Variants in CBL observed in about 807,000 individuals in gnomAD.
CBL encodes E3 ubiquitin-protein ligase CBL.
Under a neutral mutation model 96.9 loss-of-function variants are expected in CBL, and 45 were observed. The observed-to-expected ratio is 0.46, with a 90% confidence interval of 0.37 to 0.60. The LOEUF is 0.60. Ranked by LOEUF, CBL falls within the 20% of genes least tolerant of loss-of-function variation. The pLI, the probability that CBL is intolerant of heterozygous loss-of-function variation, is 0.00. For missense variants in CBL, 1,024 were observed against 1,143.5 expected (o/e 0.90, Z 1.51); for synonymous variants, 420 against 426.8 (o/e 0.98, Z 0.20).
At chr11:119,287,195 A>G (rs1242405882) in intron 11 of CBL, among the ~76,000 whole-genome samples, 2 of 152,244 alleles carry the variant, frequency 1.3e-5, no homozygotes, top group Non-Finnish European at 2.9e-5. Context: ...GCCTTTCGAG[A>G]GCATGAAATA....
chr11:119,270,172 T>C (rs2135295165), intron 2 of CBL, among the ~76,000 whole-genome samples: 1 of 151,278 alleles, frequency 6.6e-6, no homozygotes, highest in East Asian at 1.9e-4. Context: ...AGAACAAAGG[T>C]AATCTGATCA....
chr11:119,298,632 A>G, intron 15 of CBL, 92 bp downstream of exon 15: 1 of 1,111,348 alleles, frequency 9.0e-7, no homozygotes, highest in South Asian at 1.2e-5. Context: ...TGGTGACAGT[A>G]AGTCAGTATG....
At position 119,278,528 on chromosome 11, in the gene CBL, T is replaced by C. The variant is rs1949907918; in HGVS notation, c.1246T>C (p.Cys416Arg). Residue 416 changes from cysteine (C) to arginine (R), a missense_variant, in exon 9 of 16, where the codon TGT (cysteine) becomes CGT (arginine). This residue lies in a region of CBL where 695 missense variants were observed against 661.6 expected (regional missense o/e 1.05). Transcript: ENST00000264033. ...TCTGCAGGAATCAGAAGGTCAGGGC[T>C]GTCCTTTCTGCCGATGTGAAATTAA... ...TSWQESEGQG[C>R]PFCRCEIKGT... The C allele has an allele frequency of 6.2e-7, 1 of 1,614,184 alleles. No individual in the cohort carries two copies. Among genetic ancestry groups the C allele is most frequent in the Non-Finnish European group, 8.5e-7 (1 of 1,179,986 alleles).
At chr11:119,237,753 T>A (rs1949556234) in intron 2 of CBL, among the ~76,000 whole-genome samples, 1 of 152,232 alleles carries the variant, frequency 6.6e-6, no homozygotes, top group Non-Finnish European at 1.5e-5. Context: ...ATATCTATCT[T>A]AATGCTAGTA....
chr11:119,223,995 C>G (rs545482742), intron 1 of CBL, among the ~76,000 whole-genome samples: 7 of 152,202 alleles, frequency 4.6e-5, no homozygotes, highest in Admixed American at 4.6e-4. Flanking sequence ...TCTTTGAGGT[C>G]TGTGTTAGTG....
Position 119,300,585 on chromosome 11 carries a change from G to A in CBL, c.*804G>A. On this transcript the variant is annotated 3_prime_UTR_variant, in exon 16 of 16. Transcript: ENST00000264033. ...ATTATAGGCATGTTTGATACTAGCAGCTAACACTGGTCACTCCAAAGCACT... is the reference window on the plus strand; with the variant it reads ...ATTATAGGCATGTTTGATACTAGCAACTAACACTGGTCACTCCAAAGCACT... 1 of 399,242 alleles carries A rather than the reference G, an allele frequency of 2.5e-6. No homozygotes were observed. 24.7% of individuals were successfully genotyped at this position (399,242 alleles called of 1,614,324 possible).
chr11:119,234,890 G>A (rs565058656), intron 2 of CBL, among the ~76,000 whole-genome samples: 1 of 152,302 alleles, frequency 6.6e-6, no homozygotes, highest in Non-Finnish European at 1.5e-5. Flanking sequence ...AATTTTCTAG[G>A]CAGAGAAGTC....
chr11:119,306,210 T>A lies in CBL; in HGVS notation c.*6429T>A, dbSNP rs1950139475. The A allele has an allele frequency of 2.5e-6, 1 of 398,366 alleles. No homozygotes were observed. Among genetic ancestry groups the A allele is most frequent in the Non-Finnish European group, 4.4e-6 (1 of 226,048 alleles). 24.7% of individuals were successfully genotyped at this position (398,366 alleles called of 1,614,324 possible). On this transcript the variant is annotated 3_prime_UTR_variant, in exon 16 of 16. Coordinates refer to ENST00000264033, the MANE Select transcript of CBL (RefSeq NM_005188.4). ...CCGGCTGTTGACAGACAGACTAAGC[T>A]GTGTGGTGCTCTTGCCGCCCCTTCC...
intron 2 of CBL, among the ~76,000 whole-genome samples, chr11:119,265,580 C>CT (rs1949795851): frequency 6.6e-6 from 1 of 151,882 alleles, no homozygotes; most frequent in African/African-American, 2.4e-5. Context: ...GTGAGACCCC[C>CT]ATCACACATA....
chr11:119,278,467 T>A (rs772848331), intron 8 of CBL, 43 bp from the exon 9 acceptor site: 3 of 1,562,604 alleles, frequency 1.9e-6, no homozygotes, highest in South Asian at 2.2e-5. Context: ...ATATTTTAAG[T>A]ATTTTCAGAT....
At chr11:119,270,824 C>T (rs1266481185) in intron 2 of CBL, among the ~76,000 whole-genome samples, 1 of 151,988 alleles carries the variant, frequency 6.6e-6, no homozygotes, top group African/African-American at 2.4e-5. Context: ...CAAGTGATCG[C>T]CCACTTTGGC....
chr11:119,244,123 G>A (rs1949607097), intron 2 of CBL, among the ~76,000 whole-genome samples: 2 of 152,144 alleles, frequency 1.3e-5, no homozygotes, highest in African/African-American at 4.8e-5. Context: ...CCCTTTTGTT[G>A]TAGTAATATG....
intron 1 of CBL, among the ~76,000 whole-genome samples, chr11:119,227,035 C>T (rs1045910567): frequency 2.6e-5 from 4 of 152,100 alleles, no homozygotes; most frequent in African/African-American, 7.2e-5. Flanking sequence ...TTTGATGGTA[C>T]GGTGGTTTGA....
intron 4 of CBL, 74 bp from the exon 5 acceptor site, chr11:119,274,758 T>C (rs2135300181): frequency 7.0e-7 from 1 of 1,429,214 alleles, no homozygotes; most frequent in East Asian, 2.3e-5. Flanking sequence ...GTGTTGTTTT[T>C]TTTTTTTCTC....
chr11:119,247,031 T>C (rs1427187073), intron 2 of CBL, among the ~76,000 whole-genome samples: 1 of 152,144 alleles, frequency 6.6e-6, no homozygotes, highest in East Asian at 1.9e-4. Context: ...GTTTGAAAAA[T>C]GAAATTTTGC....
Position 119,302,570 on chromosome 11 carries a change from C to T in CBL, c.*2789C>T. The T allele has an allele frequency of 4.3e-6, 1 of 232,216 alleles. No individual in the cohort carries two copies. Among genetic ancestry groups the T allele is most frequent in the Non-Finnish European group, 8.5e-6 (1 of 117,420 alleles). 14.4% of individuals were successfully genotyped at this position (232,216 alleles called of 1,614,324 possible). A position where few individuals can be genotyped will look rare whatever the true frequency, so the allele number is the denominator to read the frequency against. The stretch of plus-strand genomic sequence containing the variant: ...CCACACTACTTTGTTCTCTTTTTCT[C>T]ATATTCATTGGGCTGTTGTATTCAG... On this transcript the variant is annotated 3_prime_UTR_variant, in exon 16 of 16. Coordinates refer to ENST00000264033, the MANE Select transcript of CBL (RefSeq NM_005188.4).
chr11:119,267,145 T>G (rs561316163), intron 2 of CBL, among the ~76,000 whole-genome samples: 6 of 152,338 alleles, frequency 3.9e-5, no homozygotes, highest in Non-Finnish European at 8.8e-5. Context: ...TGTAAATTCA[T>G]TATTTCCTTT....
chr11:119,278,140 A>T (rs1949903535), intron 7 of CBL, 26 bp from the exon 8 acceptor site: 1 of 1,513,704 alleles, frequency 6.6e-7, no homozygotes, highest in Non-Finnish European at 9.2e-7. Context: ...TTCAACTAAT[A>T]GTCTTTTAAT....
intron 2 of CBL, among the ~76,000 whole-genome samples, chr11:119,270,349 A>T (rs927853706): frequency 2.2e-4 from 29 of 134,710 alleles, no homozygotes; most frequent in African/African-American, 7.6e-4. Flanking sequence ...GGTTCAAGGG[A>T]TTCTCCTGCC....
Sources: allele counts gnomAD v4.1 joint callset (sites outside exome capture counted in the v4.1 genomes callset), GRCh38; gene constraint gnomAD v4.1.1; regional missense constraint gnomAD v4.1.1; transcripts MANE v1.5; gene names NCBI Gene and HGNC (gene_info 2026-07-23, HGNC 2026-07-21).